Variants in PEX5L observed in about 807,000 individuals in gnomAD.
PEX5L encodes peroxisomal biogenesis factor 5 like.
PEX5L carries 30 observed loss-of-function variants against 84.0 expected under a neutral mutation model. That is an observed-to-expected ratio of 0.36 (90% CI 0.27 to 0.48). The LOEUF is 0.48. Ranked by LOEUF, PEX5L falls within the 20% of genes least tolerant of loss-of-function variation. The pLI, the probability that PEX5L is intolerant of heterozygous loss-of-function variation, is 0.99. For synonymous variants in PEX5L, 270 were observed against 283.1 expected, an observed-to-expected ratio of 0.95 and a Z score of 0.46; for missense variants, 533 against 754.6, an observed-to-expected ratio of 0.71 and a Z score of 3.44.
At chr3:179,956,597 A>AAGG (rs1780618256) in intron 2 of PEX5L, among the ~76,000 whole-genome samples, 1 of 152,178 alleles carries the variant, frequency 6.6e-6, no homozygotes, top group Admixed American at 6.5e-5. Context: ...ATGTGGCTGT[A>AAGG]AAAATATTTA....
chr3:179,874,266 C>A (rs1751376565), intron 7 of PEX5L, 61 bp downstream of exon 7: 3 of 944,674 alleles, frequency 3.2e-6, no homozygotes, highest in East Asian at 2.6e-5. Context: ...GAAAATAAAG[C>A]ATTTATGCTA....
chr3:179,906,625 G>A (rs1323920483), intron 2 of PEX5L, among the ~76,000 whole-genome samples: 1 of 152,116 alleles, frequency 6.6e-6, no homozygotes, highest in African/African-American at 2.4e-5. Flanking sequence ...TGTGAAATAT[G>A]TAACAAAAAA....
Position 179,823,594 on chromosome 3 carries a change from G to A in PEX5L, c.823-3618C>T, listed in dbSNP as rs186673985. Among the ~76,000 whole-genome samples the A allele has an allele frequency of 7.8e-4, 118 of 152,036 alleles. 1 individual carries two copies. Among genetic ancestry groups the A allele is most frequent in the African/African-American group, 2.7e-3 (112 of 41,486 alleles). Reference sequence around the variant, plus strand: ...TTATTTTGGTGGAAAAGTAAGATTCGGTTTAAAAAAATGCTTACTTCTTTT... The same window carrying A: ...TTATTTTGGTGGAAAAGTAAGATTCAGTTTAAAAAAATGCTTACTTCTTTT... On this transcript the variant is annotated intron_variant, in intron 8 of 14. Transcript: ENST00000467460.
chr3:179,823,258 C>T (rs1729159680), intron 8 of PEX5L, among the ~76,000 whole-genome samples: 1 of 152,188 alleles, frequency 6.6e-6, no homozygotes, highest in South Asian at 2.1e-4. Context: ...TCCCTTCCAT[C>T]TAATTACTCA....
chr3:179,986,619 GTC>G (rs1205614421), intron 1 of PEX5L, among the ~76,000 whole-genome samples: 3 of 152,070 alleles, frequency 2.0e-5, no homozygotes, highest in Admixed American at 6.5e-5. Context: ...AGCCAGGATA[GTC>G]TCTATCTCCT....
At chr3:179,840,183 GTTTTTTTTTT>G (rs71182521) in intron 8 of PEX5L, among the ~76,000 whole-genome samples, 1 of 78,670 alleles carries the variant, frequency 1.3e-5, no homozygotes, top group African/African-American at 5.2e-5. Flanking sequence ...GTGTGTGTGT[GTTTTTTTTTT>G]TTTTTTTTTT....
intron 1 of PEX5L, among the ~76,000 whole-genome samples, chr3:179,976,116 T>C (rs563988387): frequency 6.6e-6 from 1 of 152,124 alleles, no homozygotes; most frequent in Admixed American, 6.5e-5. Context: ...TAGAGAACAG[T>C]TGCATTTAAG....
chr3:180,024,418 G>A (rs1156417261), intron 1 of PEX5L, among the ~76,000 whole-genome samples: 1 of 140,906 alleles, frequency 7.1e-6, no homozygotes, highest in African/African-American at 2.7e-5. Context: ...GGTGGCAGGC[G>A]CCTGTAGTCC....
Position 179,930,015 on chromosome 3 carries a change from T to C in PEX5L, c.94-31769A>G, listed in dbSNP as rs554623924. Among the ~76,000 whole-genome samples, 84 of 152,280 alleles carry C rather than the reference T, an allele frequency of 5.5e-4. No individual in the cohort carries two copies. In the South Asian group the frequency reaches 6.0e-3, roughly 11 times the overall value. ...CTGAGTGAGCTCTTAGTCTGTTTTG[T>C]ATGTATTTTTCAAAGTGTGGTTCCT... On this transcript the variant is annotated intron_variant, in intron 2 of 14. Transcript: ENST00000467460.
chr3:180,012,098 C>T (rs1363120879), intron 1 of PEX5L, among the ~76,000 whole-genome samples: 3 of 152,148 alleles, frequency 2.0e-5, no homozygotes, highest in Non-Finnish European at 4.4e-5. Context: ...ATAACTTAAT[C>T]CTTAAATGGA....
At chr3:179,946,310 T>C (rs1777531665) in intron 2 of PEX5L, among the ~76,000 whole-genome samples, 1 of 152,170 alleles carries the variant, frequency 6.6e-6, no homozygotes, top group African/African-American at 2.4e-5. Context: ...TGAGGTGCTC[T>C]CACTTGCCTT....
intron 2 of PEX5L, among the ~76,000 whole-genome samples, chr3:179,949,114 A>G (rs946188443): frequency 2.6e-5 from 4 of 152,214 alleles, no homozygotes; most frequent in Admixed American, 6.5e-5. Context: ...TTAACTGTAC[A>G]GGTCTTTCTC....
intron 8 of PEX5L, among the ~76,000 whole-genome samples, chr3:179,830,264 G>A (rs1282945460): frequency 6.6e-6 from 1 of 151,050 alleles, no homozygotes; most frequent in Admixed American, 6.6e-5. Flanking sequence ...ATATTGCCCT[G>A]ATATTCTGAT....
intron 1 of PEX5L, chr3:179,974,198 C>T: frequency 1.0e-6 from 1 of 985,408 alleles, no homozygotes; most frequent in Non-Finnish European, 1.2e-6. Context: ...CGTGGTCTTT[C>T]ACAGTAGCCA....
At chr3:179,886,949 A>C (rs978122731) in intron 4 of PEX5L, among the ~76,000 whole-genome samples, 2 of 152,148 alleles carry the variant, frequency 1.3e-5, no homozygotes, top group Non-Finnish European at 2.9e-5. Flanking sequence ...TTTCATTCTT[A>C]TTTGAATGAC....
chr3:179,919,845 G>A (rs1463996750), intron 2 of PEX5L, among the ~76,000 whole-genome samples: 1 of 152,088 alleles, frequency 6.6e-6, no homozygotes, highest in Non-Finnish European at 1.5e-5. Flanking sequence ...TGGGATTATA[G>A]GTGTGTGCCA....
At chr3:179,818,637 C>T (rs746416901) in intron 9 of PEX5L, among the ~76,000 whole-genome samples, 36 of 149,970 alleles carry the variant, frequency 2.4e-4, no homozygotes, top group Admixed American at 8.0e-4. Flanking sequence ...AACCATCATT[C>T]TACCCTCCAT....
chr3:180,010,085 A>C (rs1284132524), intron 1 of PEX5L, among the ~76,000 whole-genome samples: 1 of 151,720 alleles, frequency 6.6e-6, no homozygotes, highest in African/African-American at 2.4e-5. Context: ...CTGGGACTAC[A>C]GGCGCCCGCC....
intron 4 of PEX5L, among the ~76,000 whole-genome samples, chr3:179,884,345 G>T: frequency 6.6e-6 from 1 of 152,164 alleles, no homozygotes; most frequent in East Asian, 1.9e-4. Context: ...TGCAGTTAGG[G>T]GGGTCAGAGC....
Sources: allele counts gnomAD v4.1 joint callset (sites outside exome capture counted in the v4.1 genomes callset), GRCh38; gene constraint gnomAD v4.1.1; transcripts MANE v1.5; gene names NCBI Gene and HGNC (gene_info 2026-07-23, HGNC 2026-07-21).